IPCEF1: variants seen among roughly 807,000 people sequenced by gnomAD.
The protein encoded by IPCEF1 is interaction protein for cytohesin exchange factors 1.
IPCEF1 carries 31 observed loss-of-function variants against 50.9 expected under a neutral mutation model. The observed-to-expected ratio is 0.61, with a 90% CI of 0.46 to 0.82. The LOEUF is 0.82. Ranked by LOEUF, IPCEF1 falls within the 40% of genes least tolerant of loss-of-function variation. The pLI is 0.00. For synonymous variants in IPCEF1, 181 were observed against 192.0 expected (o/e 0.94, Z 0.47); for missense variants, 458 against 514.0 (o/e 0.89, Z 1.05).
intron 1 of IPCEF1, among the ~76,000 whole-genome samples, chr6:154,325,627 C>A (rs1044879350): frequency 6.6e-6 from 1 of 152,130 alleles, no homozygotes. Context: ...TGGGGGTGAC[C>A]AACATGAAAC....
chr6:154,241,294 C>G (rs1035188778), intron 5 of IPCEF1, among the ~76,000 whole-genome samples: 51 of 149,512 alleles, frequency 3.4e-4, no homozygotes, highest in African/African-American at 1.2e-3. Context: ...TTCATTTTTT[C>G]TAGTCAAGGC....
intron 1 of IPCEF1, among the ~76,000 whole-genome samples, chr6:154,332,319 A>G (rs1288630243): frequency 9.1e-5 from 13 of 143,614 alleles, no homozygotes; most frequent in Non-Finnish European, 1.7e-4. Context: ...GTTTTTTTAG[A>G]GATAGGGTCA....
intron 2 of IPCEF1, among the ~76,000 whole-genome samples, chr6:154,282,141 C>T (rs1024659579): frequency 2.6e-5 from 4 of 152,042 alleles, no homozygotes. Flanking sequence ...TGCACTCCAG[C>T]CTGGGTGACA....
At chr6:154,202,861 G>A (rs1258984044) in intron 9 of IPCEF1, among the ~76,000 whole-genome samples, 3 of 151,814 alleles carry the variant, frequency 2.0e-5, no homozygotes, top group Non-Finnish European at 2.9e-5. Flanking sequence ...AGAATGAAGG[G>A]AAAAAAAGAA....
At chr6:154,336,929 T>C (rs974139245) in intron 1 of IPCEF1, among the ~76,000 whole-genome samples, 2 of 152,172 alleles carry the variant, frequency 1.3e-5, no homozygotes, top group African/African-American at 2.4e-5. Flanking sequence ...TTATATTCAA[T>C]AGCAGAGTAG....
chr6:154,282,530 CAAA>C (rs1446248920), intron 2 of IPCEF1, among the ~76,000 whole-genome samples: 1 of 151,626 alleles, frequency 6.6e-6, no homozygotes, highest in African/African-American at 2.4e-5. Context: ...AAAACACACA[CAAA>C]AAAATTAGGC....
intron 1 of IPCEF1, among the ~76,000 whole-genome samples, chr6:154,312,601 C>T (rs1783108043): frequency 6.6e-6 from 1 of 152,092 alleles, no homozygotes; most frequent in Non-Finnish European, 1.5e-5. Flanking sequence ...CCGCCTCAGC[C>T]TCCCAAAGTG....
chr6:154,350,331 C>G (rs1584015516), intron 1 of IPCEF1, among the ~76,000 whole-genome samples: 1 of 152,166 alleles, frequency 6.6e-6, no homozygotes, highest in African/African-American at 2.4e-5. Context: ...TAACAAGTAA[C>G]CAAATTGTCA....
chr6:154,198,631 T>TACACAC (rs3070838), intron 10 of IPCEF1, among the ~76,000 whole-genome samples: 4,492 of 146,660 alleles, frequency 0.031, 80 homozygotes, highest in Middle Eastern at 0.059. Flanking sequence ...AAATATTACA[T>TACACAC]ACACACACAC....
intron 10 of IPCEF1, among the ~76,000 whole-genome samples, chr6:154,175,234 T>C (rs1294397075): frequency 1.3e-5 from 2 of 152,070 alleles, no homozygotes; most frequent in African/African-American, 2.4e-5. Context: ...AGATCTAAAA[T>C]TGACACCCTA....
intron 1 of IPCEF1, among the ~76,000 whole-genome samples, chr6:154,356,347 C>T (rs1784217414): frequency 6.6e-6 from 1 of 152,214 alleles, no homozygotes; most frequent in Admixed American, 6.5e-5. Flanking sequence ...ATGAACTCCT[C>T]AGGACCCAAA....
intron 1 of IPCEF1, among the ~76,000 whole-genome samples, chr6:154,343,162 G>T (rs116286069): frequency 0.021 from 3,213 of 152,222 alleles, 103 homozygotes; most frequent in African/African-American, 0.072. Flanking sequence ...TCTGTGGCTC[G>T]AGTTTTTCCC....
intron 1 of IPCEF1, among the ~76,000 whole-genome samples, chr6:154,323,461 G>GGTATTTACAAATAAACGTTTATTTA (rs145932627): frequency 0.44 from 65,688 of 148,532 alleles, 15,523 homozygotes; most frequent in African/African-American, 0.58. Context: ...ACATTTCTTT[G>GGTATTTACAAATAAACGTTTATTTA]GTATTTACAA....
intron 3 of IPCEF1, among the ~76,000 whole-genome samples, chr6:154,265,519 T>C (rs1781733502): frequency 6.6e-6 from 1 of 152,110 alleles, no homozygotes; most frequent in African/African-American, 2.4e-5. Flanking sequence ...GACCTTGTGA[T>C]CTGCCCTCCT....
At chr6:154,271,235 G>A (rs1781895620) in intron 2 of IPCEF1, among the ~76,000 whole-genome samples, 2 of 151,784 alleles carry the variant, frequency 1.3e-5, no homozygotes, top group Non-Finnish European at 2.9e-5. Context: ...AGCCCTGTAT[G>A]ATGGCAGGCA....
intron 10 of IPCEF1, among the ~76,000 whole-genome samples, chr6:154,194,084 T>C (rs974653388): frequency 1.4e-4 from 21 of 152,352 alleles, no homozygotes; most frequent in African/African-American, 4.8e-4. Flanking sequence ...TCACTGTTAA[T>C]ACCCGCTCCT....
chr6:154,327,461 G>C (rs1783550258), intron 1 of IPCEF1, among the ~76,000 whole-genome samples: 2 of 151,760 alleles, frequency 1.3e-5, no homozygotes, highest in African/African-American at 4.8e-5. Flanking sequence ...AAACATATGG[G>C]GAAAAAAAGC....
intron 1 of IPCEF1, among the ~76,000 whole-genome samples, chr6:154,300,800 C>T (rs1004196626): frequency 4.6e-5 from 7 of 152,202 alleles, no homozygotes; most frequent in Non-Finnish European, 7.3e-5. Context: ...TGGCAGCACT[C>T]TACTTCTTTA....
At chr6:154,254,041 C>A (rs780944245) in intron 3 of IPCEF1, among the ~76,000 whole-genome samples, 1 of 152,006 alleles carries the variant, frequency 6.6e-6, no homozygotes, top group Non-Finnish European at 1.5e-5. Context: ...CATTCTAAAT[C>A]ATTTCTTTAG....
Sources: gnomAD v4.1 joint callset for allele counts (sites outside exome capture counted in the v4.1 genomes callset) on GRCh38, gnomAD v4.1.1 for gene constraint, MANE v1.5 for transcripts, NCBI Gene and HGNC (gene_info 2026-07-23, HGNC 2026-07-21) for gene names.